Variants in COL4A6 observed in about 807,000 individuals in gnomAD.
COL4A6 encodes the protein collagen alpha-6(IV) chain.
In COL4A6, 59 loss-of-function variants were observed where a neutral mutation model predicts 126.7. That is an observed-to-expected ratio of 0.47 (90% CI 0.38 to 0.58). The LOEUF (loss-of-function observed/expected upper bound fraction) is 0.58, where lower values mean the gene tolerates loss of function less well. Among genes scored for constraint, COL4A6 ranks in the 20% least tolerant of loss-of-function variants. The pLI is 0.00. For synonymous variants in COL4A6, 547 were observed against 496.6 expected, an observed-to-expected ratio of 1.10 and a Z score of -1.35; for missense variants, 1,285 against 1,337.3, an observed-to-expected ratio of 0.96 and a Z score of 0.61.
At chrX:108,293,014 A>AAAAC (rs2038211108) in intron 3 of COL4A6, among the ~76,000 whole-genome samples, 1 of 102,654 alleles carries the variant, frequency 9.7e-6, no homozygotes, top group Non-Finnish European at 2.0e-5. Flanking sequence ...AAAAAAAAAA[A>AAAAC]AAAAGCCATG....
intron 3 of COL4A6, among the ~76,000 whole-genome samples, chrX:108,291,634 T>C (rs907480697): frequency 2.1e-4 from 23 of 111,647 alleles, no homozygotes; most frequent in Non-Finnish European, 4.1e-4. Flanking sequence ...TTCAATTAAA[T>C]TCATAAGAGT....
At chrX:108,210,643 A>G (rs1055826547) in intron 7 of COL4A6, among the ~76,000 whole-genome samples, 3 of 112,273 alleles carry the variant, frequency 2.7e-5, no homozygotes, top group African/African-American at 9.7e-5. Context: ...CTTGGCTTAC[A>G]GTAAAAAATC....
chrX:108,256,410 A>G (rs1265982479), intron 3 of COL4A6, among the ~76,000 whole-genome samples: 1 of 112,063 alleles, frequency 8.9e-6, no homozygotes, highest in Non-Finnish European at 1.9e-5. Context: ...GGCAAGTGCC[A>G]GTGTTCTAAG....
chrX:108,404,896 A>G (rs1208301607), intron 2 of COL4A6, among the ~76,000 whole-genome samples: 1 of 111,944 alleles, frequency 8.9e-6, no homozygotes, highest in Non-Finnish European at 1.9e-5. Flanking sequence ...CCAGGTATTC[A>G]TCTTGAATAT....
At chrX:108,425,430 A>AT (rs1257145697) in intron 2 of COL4A6, among the ~76,000 whole-genome samples, 1 of 110,677 alleles carries the variant, frequency 9.0e-6, no homozygotes, top group Non-Finnish European at 1.9e-5. Flanking sequence ...TAAACTGGAG[A>AT]TTAAGACTTC....
rs1329521332 is a variant in COL4A6, at chrX:108,223,345, G to A, written c.145-1971C>T. Reference sequence around the variant, plus strand: ...GTATACCTGTGTAACAAACCTGCACGTTCTGCACATGTATCCTAGAACTTG... The same window carrying A: ...GTATACCTGTGTAACAAACCTGCACATTCTGCACATGTATCCTAGAACTTG... On this transcript the variant is annotated intron_variant, in intron 3 of 44. Transcript: ENST00000334504. Among the ~76,000 whole-genome samples, 14 of 111,533 alleles carry A rather than the reference G, an allele frequency of 1.3e-4. No homozygotes were observed. The South Asian group carries it at 2.7e-3, about 21-fold the overall frequency.
intron 3 of COL4A6, among the ~76,000 whole-genome samples, chrX:108,271,141 C>A (rs775394922): frequency 7.1e-5 from 8 of 112,291 alleles, no homozygotes; most frequent in African/African-American, 2.6e-4. Context: ...CTGTGGCCGG[C>A]AAGTTTGCTG....
intron 2 of COL4A6, among the ~76,000 whole-genome samples, chrX:108,348,369 A>T: frequency 9.0e-6 from 1 of 111,429 alleles, no homozygotes; most frequent in Non-Finnish European, 1.9e-5. Context: ...TTTTGGAAAA[A>T]AATTCTATCT....
At chrX:108,334,061 T>A (rs1270874551) in intron 2 of COL4A6, among the ~76,000 whole-genome samples, 5 of 112,001 alleles carry the variant, frequency 4.5e-5, no homozygotes, top group African/African-American at 1.6e-4. Flanking sequence ...AAAATTCATA[T>A]GGAACCATAA....
intron 2 of COL4A6, among the ~76,000 whole-genome samples, chrX:108,414,153 A>G (rs1380122087): frequency 8.9e-6 from 1 of 112,265 alleles, no homozygotes; most frequent in Non-Finnish European, 1.9e-5. Context: ...ACTTTAATCA[A>G]TTTCAGAGGA....
At chrX:108,421,692 C>T (rs2063984234) in intron 2 of COL4A6, among the ~76,000 whole-genome samples, 1 of 111,714 alleles carries the variant, frequency 9.0e-6, no homozygotes, top group African/African-American at 3.3e-5. Flanking sequence ...CCAGAAAAGT[C>T]CAGACACACA....
intron 2 of COL4A6, among the ~76,000 whole-genome samples, chrX:108,410,411 A>G (rs1290240328): frequency 9.0e-6 from 1 of 111,448 alleles, no homozygotes; most frequent in Non-Finnish European, 1.9e-5. Flanking sequence ...GACATATAAA[A>G]CAGATAGATA....
At chrX:108,337,182 G>T (rs1017723735) in intron 2 of COL4A6, among the ~76,000 whole-genome samples, 2 of 111,698 alleles carry the variant, frequency 1.8e-5, no homozygotes, top group African/African-American at 3.2e-5. Flanking sequence ...AATATTTAGA[G>T]TTGTCACATG....
intron 4 of COL4A6, among the ~76,000 whole-genome samples, chrX:108,220,117 T>C (rs1183573583): frequency 1.8e-5 from 2 of 111,970 alleles, no homozygotes; most frequent in Admixed American, 9.4e-5. Context: ...CCTTATCAAA[T>C]GGACCAGGTG....
At chrX:108,401,620 C>G (rs770916741) in intron 2 of COL4A6, among the ~76,000 whole-genome samples, 130 of 110,726 alleles carry the variant, frequency 1.2e-3, no homozygotes, top group Middle Eastern at 4.8e-3. Flanking sequence ...CTTCCTTATT[C>G]TTTTCTGCAT....
chrX:108,414,062 A>G (rs1377874693), intron 2 of COL4A6, among the ~76,000 whole-genome samples: 2 of 112,151 alleles, frequency 1.8e-5, no homozygotes, highest in Non-Finnish European at 3.8e-5. Flanking sequence ...CTCTAATCAA[A>G]CCTCTGAGTT....
intron 2 of COL4A6, among the ~76,000 whole-genome samples, chrX:108,352,081 G>A (rs2039860511): frequency 8.9e-6 from 1 of 112,841 alleles, no homozygotes. Flanking sequence ...TCTGCCTGCG[G>A]CCTTTTCTTT....
chrX:108,307,845 G>A (rs1414346060), intron 3 of COL4A6, among the ~76,000 whole-genome samples: 1 of 111,541 alleles, frequency 9.0e-6, no homozygotes, highest in East Asian at 2.8e-4. Context: ...GGGAAGGTAG[G>A]AGGAAAGGGA....
At chrX:108,325,228 G>A (rs1456143911) in intron 2 of COL4A6, among the ~76,000 whole-genome samples, 2 of 112,098 alleles carry the variant, frequency 1.8e-5, no homozygotes, top group Admixed American at 9.4e-5. Context: ...AGCCATAGGC[G>A]AAGGAGCGGT....
Sources: allele counts gnomAD v4.1 joint callset (sites outside exome capture counted in the v4.1 genomes callset), GRCh38; gene constraint gnomAD v4.1.1; transcripts MANE v1.5; gene names NCBI Gene and HGNC (gene_info 2026-07-23, HGNC 2026-07-21).